Variants in COL6A6 observed in about 807,000 individuals in gnomAD.
The protein encoded by COL6A6 is collagen alpha-6(VI) chain.
A neutral mutation model predicts 208.6 loss-of-function variants in COL6A6; 183 were observed. The ratio of observed to expected loss-of-function variants is 0.88; its 90% CI spans 0.78 to 0.99. The LOEUF is 0.99. Among genes scored for constraint, COL6A6 ranks in the 50% least tolerant of loss-of-function variants. COL6A6 has a pLI of 0.00. For synonymous variants in COL6A6, 973 were observed against 1,011.8 expected (o/e 0.96, Z 0.73); for missense variants, 2,816 against 2,815.2 (o/e 1.00, Z -0.01).
chr3:130,627,498 T>C, intron 26 of COL6A6, 129 bp downstream of exon 26: 1 of 750,870 alleles, frequency 1.3e-6, no homozygotes, highest in Non-Finnish European at 2.3e-6. Context: ...TATATTTCAG[T>C]AATTTATTTG....
At chr3:130,547,734 T>G (rs1276567947) in intron 1 of COL6A6, among the ~76,000 whole-genome samples, 1 of 152,252 alleles carries the variant, frequency 6.6e-6, no homozygotes, top group East Asian at 1.9e-4. Flanking sequence ...ACATTGGCCA[T>G]CTGTTATTGT....
At chr3:130,538,485 T>C (rs767045557) in intron 1 of COL6A6, among the ~76,000 whole-genome samples, 5 of 151,620 alleles carry the variant, frequency 3.3e-5, no homozygotes, top group African/African-American at 4.8e-5. Context: ...ATTTACTTAG[T>C]ATCTGCTGCA....
At chr3:130,673,219 A>ACAAAAAAAAACC (rs1559810201) in intron 36 of COL6A6, among the ~76,000 whole-genome samples, 1 of 109,630 alleles carries the variant, frequency 9.1e-6, no homozygotes, top group African/African-American at 5.8e-5. Context: ...AAAAAAAACA[A>ACAAAAAAAAACC]AAAAAAAAAA....
chr3:130,601,034 T>A (rs1053018241), intron 20 of COL6A6, among the ~76,000 whole-genome samples: 2 of 152,216 alleles, frequency 1.3e-5, no homozygotes, highest in East Asian at 3.9e-4. Flanking sequence ...TTTAAAAAAT[T>A]TGTGTGCAGA....
intron 36 of COL6A6, among the ~76,000 whole-genome samples, chr3:130,668,664 GACT>G (rs963865305): frequency 2.1e-4 from 32 of 152,252 alleles, no homozygotes; most frequent in Admixed American, 5.9e-4. Flanking sequence ...TAAAGAGGAT[GACT>G]ACATGATGAC....
chr3:130,609,134 T>C (rs2064275792), intron 22 of COL6A6, among the ~76,000 whole-genome samples, 170 bp downstream of exon 22: 1 of 152,204 alleles, frequency 6.6e-6, no homozygotes, highest in Admixed American at 6.5e-5. Flanking sequence ...CAGCACTTGG[T>C]CTGCTTTAAG....
intron 10 of COL6A6, among the ~76,000 whole-genome samples, chr3:130,584,607 T>A (rs1430086811): frequency 1.3e-5 from 2 of 152,042 alleles, no homozygotes; most frequent in East Asian, 3.9e-4. Context: ...TTATTTTTTT[T>A]ATTTTTTAAA....
intron 7 of COL6A6, among the ~76,000 whole-genome samples, chr3:130,573,554 A>G (rs2063215724): frequency 6.9e-6 from 1 of 144,440 alleles, no homozygotes; most frequent in Non-Finnish European, 1.5e-5. Context: ...ATTTCTATAT[A>G]GCTGCAAACT....
chr3:130,656,594 C>T (rs1274867287), intron 33 of COL6A6, among the ~76,000 whole-genome samples: 1 of 152,204 alleles, frequency 6.6e-6, no homozygotes. Context: ...TTTTGGTCAG[C>T]CCAGCCCCCA....
At chr3:130,534,220 G>A (rs2062172663) in intron 1 of COL6A6, among the ~76,000 whole-genome samples, 1 of 152,114 alleles carries the variant, frequency 6.6e-6, no homozygotes, top group Non-Finnish European at 1.5e-5. Context: ...CTAATAGGAA[G>A]GAAATGGAAC....
Position 130,565,162 on chromosome 3 carries a change from C to A in COL6A6, c.830C>A (p.Thr277Lys). 3 of 1,613,942 alleles carry A rather than the reference C, an allele frequency of 1.9e-6. No homozygotes were observed. Among genetic ancestry groups the A allele is most frequent in the Non-Finnish European group, 1.7e-6 (2 of 1,179,842 alleles). Residue 277 changes from threonine (T) to lysine (K), a missense_variant, in exon 4 of 37, where the codon ACA (threonine) becomes AAA (lysine). Thr to Lys is a moderately conservative substitution (Grantham distance 78, BLOSUM62 -1). Coordinates refer to ENST00000358511, the MANE Select transcript of COL6A6 (RefSeq NM_001102608.3). ...GGCCTTGTGGCCTATAGCAATGAGA[C>A]AAAAGTGATAAATTCACTGAGCATG... is the stretch of plus-strand genomic sequence containing the variant. ...RVGLVAYSNE[T>K]KVINSLSMGI... is the part of the protein sequence containing the mutation.
intron 23 of COL6A6, among the ~76,000 whole-genome samples, chr3:130,612,803 A>T (rs1282586363): frequency 6.6e-6 from 1 of 152,108 alleles, no homozygotes; most frequent in Non-Finnish European, 1.5e-5. Flanking sequence ...ATATTTTCTT[A>T]TGCCTGCTGG....
chr3:130,592,860 TTTC>T, intron 15 of COL6A6, 138 bp downstream of exon 15: 2 of 929,432 alleles, frequency 2.2e-6, no homozygotes, highest in Non-Finnish European at 1.6e-6. Context: ...TTTCATTTTG[TTTC>T]TTCTTCTCTT....
chr3:130,635,234 C>G (rs2065076719), intron 27 of COL6A6, among the ~76,000 whole-genome samples: 1 of 148,976 alleles, frequency 6.7e-6, no homozygotes, highest in Non-Finnish European at 1.5e-5. Context: ...GACTCTGTCT[C>G]CAAAAAAAAA....
At chr3:130,554,543 C>G (rs920260420) in intron 1 of COL6A6, among the ~76,000 whole-genome samples, 2 of 152,064 alleles carry the variant, frequency 1.3e-5, no homozygotes, top group East Asian at 3.9e-4. Context: ...ACTGGTCTCC[C>G]TGTGTGTGTT....
At chr3:130,587,331 G>A (rs2063564838) in intron 11 of COL6A6, among the ~76,000 whole-genome samples, 1 of 152,192 alleles carries the variant, frequency 6.6e-6, no homozygotes, top group South Asian at 2.1e-4. Flanking sequence ...TGTGATCTCA[G>A]CTTATTGCAA....
At chr3:130,655,234 C>T (rs2403314) in intron 33 of COL6A6, among the ~76,000 whole-genome samples, 3,622 of 152,182 alleles carry the variant, frequency 0.024, 129 homozygotes, top group East Asian at 0.1. Context: ...ATCTTTCCCA[C>T]GGTGGCCACT....
At chr3:130,546,980 C>A (rs979291894) in intron 1 of COL6A6, among the ~76,000 whole-genome samples, 10 of 152,262 alleles carry the variant, frequency 6.6e-5, no homozygotes, top group Non-Finnish European at 7.3e-5. Flanking sequence ...CCCCACCCAA[C>A]TCAGGAGCCC....
chr3:130,634,242 T>TAAATAA (rs2065038785), intron 26 of COL6A6, among the ~76,000 whole-genome samples: 1 of 23,808 alleles, frequency 4.2e-5, no homozygotes, highest in Non-Finnish European at 5.9e-5. Context: ...AATAAATAAA[T>TAAATAA]AAAAAAAAAA....
Sources: allele counts gnomAD v4.1 joint callset (sites outside exome capture counted in the v4.1 genomes callset), GRCh38; gene constraint gnomAD v4.1.1; transcripts MANE v1.5; gene names NCBI Gene and HGNC (gene_info 2026-07-23, HGNC 2026-07-21).